The following DLG5 variants were observed in gnomAD, a reference collection of about 807,000 sequenced individuals.
DLG5 encodes disks large homolog 5.
Under a neutral mutation model 189.8 loss-of-function variants are expected in DLG5, and 48 were observed. The ratio of observed to expected loss-of-function variants is 0.25; its 90% confidence interval spans 0.20 to 0.32. DLG5 has a LOEUF of 0.32. Ranked by LOEUF, DLG5 falls within the 10% of genes least tolerant of loss-of-function variation. The pLI is 1.00. For synonymous variants in DLG5, 1,016 were observed against 1,054.1 expected (o/e 0.96, Z 0.70); for missense variants, 2,160 against 2,544.7 (o/e 0.85, Z 3.25).
chr10:77,819,759 G>A (rs1468831457), intron 16 of DLG5, 136 bp downstream of exon 16: 3 of 1,384,802 alleles, frequency 2.2e-6, no homozygotes, highest in African/African-American at 2.9e-5. Context: ...AGACAGGACA[G>A]CATTTCCCAG....
At position 77,854,217 on chromosome 10, in the gene DLG5, C is replaced by T. The variant is rs2154576690; in HGVS notation, c.680+10G>A. ...GTGTTGGAGGCCCTGGCCAAGCAGGCCTCACTCACTGGTAGAAGTCAGTCT... is the reference window on the plus strand; with the variant it reads ...GTGTTGGAGGCCCTGGCCAAGCAGGTCTCACTCACTGGTAGAAGTCAGTCT... On this transcript the variant is annotated intron_variant, in intron 4 of 31. Coordinates refer to ENST00000372391, the MANE Select transcript of DLG5 (RefSeq NM_004747.4). The T allele has an allele frequency of 3.1e-6, 5 of 1,613,444 alleles. No individual in the cohort carries two copies. The East Asian group carries it at 6.7e-5, about 22-fold the overall frequency.
chr10:77,914,976 T>C (rs544778759), intron 1 of DLG5, among the ~76,000 whole-genome samples: 4 of 152,278 alleles, frequency 2.6e-5, no homozygotes, highest in African/African-American at 7.2e-5. Context: ...CACACATCTA[T>C]AAAATAATGA....
intron 1 of DLG5, among the ~76,000 whole-genome samples, chr10:77,882,544 CCTT>C (rs1185754087): frequency 5.9e-5 from 9 of 152,146 alleles, no homozygotes. Context: ...TCCACAAACT[CCTT>C]CTTCCTTCTA....
chr10:77,802,893 C>T (rs151017531), intron 27 of DLG5, among the ~76,000 whole-genome samples: 84 of 152,246 alleles, frequency 5.5e-4, no homozygotes, highest in African/African-American at 2.0e-3. Flanking sequence ...GAGCGAGATT[C>T]TGCCTCAAAA....
intron 26 of DLG5, among the ~76,000 whole-genome samples, chr10:77,806,489 G>T (rs1841478504): frequency 6.6e-6 from 1 of 152,176 alleles, no homozygotes; most frequent in Admixed American, 6.5e-5. Context: ...TGAGGGAGCG[G>T]CAAGGCACGA....
At chr10:77,898,147 G>A (rs1052367581) in intron 1 of DLG5, among the ~76,000 whole-genome samples, 2 of 152,156 alleles carry the variant, frequency 1.3e-5, no homozygotes, top group Non-Finnish European at 2.9e-5. Context: ...CAGCGCAGGT[G>A]ACCAAGTGGC....
At chr10:77,794,358 G>A (rs1299881048) in intron 30 of DLG5, among the ~76,000 whole-genome samples, 1 of 152,234 alleles carries the variant, frequency 6.6e-6, no homozygotes, top group Non-Finnish European at 1.5e-5. Context: ...AGCCCCTAGC[G>A]CAGGTCCCAG....
intron 5 of DLG5, among the ~76,000 whole-genome samples, chr10:77,852,241 T>C (rs193110867): frequency 8.0e-4 from 122 of 152,050 alleles, no homozygotes; most frequent in Middle Eastern, 6.8e-3. Flanking sequence ...TATGGTGGCA[T>C]GTGCCTGTAG....
At chr10:77,888,927 C>G (rs1398591153) in intron 1 of DLG5, among the ~76,000 whole-genome samples, 1 of 139,632 alleles carries the variant, frequency 7.2e-6, no homozygotes, top group Non-Finnish European at 1.6e-5. Flanking sequence ...TTCAAATCTC[C>G]AAACGTCTCC....
chr10:77,808,027 A>G, intron 24 of DLG5, 83 bp from the exon 25 acceptor site: 1 of 1,530,026 alleles, frequency 6.5e-7, no homozygotes, highest in Non-Finnish European at 8.9e-7. Context: ...TGCTGACCAT[A>G]CGGCAGAAAT....
At chr10:77,889,892 G>C (rs1845555792) in intron 1 of DLG5, among the ~76,000 whole-genome samples, 1 of 152,078 alleles carries the variant, frequency 6.6e-6, no homozygotes, top group East Asian at 1.9e-4. Context: ...ATGATAGGGA[G>C]GGGCACTGTA....
intron 2 of DLG5, among the ~76,000 whole-genome samples, chr10:77,861,790 TC>T: frequency 6.6e-6 from 1 of 152,218 alleles, no homozygotes; most frequent in East Asian, 1.9e-4. Flanking sequence ...CCTCAACCAC[TC>T]CACAACAATG....
intron 2 of DLG5, among the ~76,000 whole-genome samples, chr10:77,865,791 C>G (rs1844653764): frequency 6.6e-6 from 1 of 152,116 alleles, no homozygotes; most frequent in Admixed American, 6.6e-5. Context: ...CCCGAGGAGG[C>G]CTTGGCACAA....
chr10:77,868,012 C>T (rs1259927858), intron 2 of DLG5: 1 of 456,512 alleles, frequency 2.2e-6, no homozygotes, highest in Non-Finnish European at 4.4e-6. Context: ...CCAAGGAGCA[C>T]CAAGGATTAC....
At chr10:77,921,238 C>G (rs1387018952) in intron 1 of DLG5, among the ~76,000 whole-genome samples, 1 of 152,142 alleles carries the variant, frequency 6.6e-6, no homozygotes, top group Non-Finnish European at 1.5e-5. Context: ...AAAACCACAA[C>G]AGCTGGAGCT....
intron 2 of DLG5, among the ~76,000 whole-genome samples, chr10:77,865,169 C>T (rs770945551): frequency 6.6e-6 from 1 of 152,188 alleles, no homozygotes; most frequent in Non-Finnish European, 1.5e-5. Context: ...GTGCCTGTCT[C>T]CCTGGCAGTG....
At position 77,819,481 on chromosome 10, in the gene DLG5, G is replaced by A. The variant is rs1249769321; in HGVS notation, c.3527-16C>T. On this transcript the variant is annotated splice_polypyrimidine_tract_variant and intron_variant, in intron 16 of 31. Coordinates refer to ENST00000372391, the MANE Select transcript of DLG5 (RefSeq NM_004747.4). ...GGAACAGTGCCTAGAAATGGGCTTG[G>A]TGAGAAAAGACGCCCCAAAGGACCC... 6 of 1,608,270 alleles carry A rather than the reference G, an allele frequency of 3.7e-6. No homozygotes were observed. Among genetic ancestry groups the A allele is most frequent in the Non-Finnish European group, 5.1e-6 (6 of 1,177,846 alleles).
intron 1 of DLG5, among the ~76,000 whole-genome samples, chr10:77,895,589 A>G (rs1845734198): frequency 6.6e-6 from 1 of 152,238 alleles, no homozygotes; most frequent in African/African-American, 2.4e-5. Context: ...ACCTCAATTC[A>G]GGGACACTGG....
In DLG5 at chr10:77,811,958, G is replaced by T. The variant is rs540247706; in HGVS notation, c.4288C>A (p.His1430Asn). 3.1e-6 allele frequency: 5 copies of T among 1,609,250 alleles called. No individual in the cohort carries two copies. The highest frequency in any genetic ancestry group is 4.2e-6 in the Non-Finnish European group (5 of 1,179,948). Reference protein sequence around the residue: ...TITILAQYNPHVHQLSSHSRS... With the variant: ...TITILAQYNPNVHQLSSHSRS... ...GAGTGGCTGCTGAGCTGGTGCACGTGGGGGTTGTACTGGGCCAGGATGGTG... is the reference window on the plus strand; with the variant it reads ...GAGTGGCTGCTGAGCTGGTGCACGTTGGGGTTGTACTGGGCCAGGATGGTG... Residue 1430 changes from histidine to asparagine, a missense_variant, in exon 22 of 32, where the codon CAC becomes AAC. Around this residue, in one of 5 missense-constraint regions of DLG5, gnomAD observed 574 missense variants for 644.2 expected, o/e 0.89. Coordinates refer to ENST00000372391, the MANE Select transcript of DLG5 (RefSeq NM_004747.4).
Sources: allele counts gnomAD v4.1 joint callset (sites outside exome capture counted in the v4.1 genomes callset), GRCh38; gene constraint gnomAD v4.1.1; regional missense constraint gnomAD v4.1.1; transcripts MANE v1.5; gene names NCBI Gene and HGNC (gene_info 2026-07-23, HGNC 2026-07-21).